KIF6: variants seen among roughly 807,000 people sequenced by gnomAD.
KIF6 encodes kinesin-like protein KIF6.
Under a neutral mutation model 112.7 loss-of-function variants are expected in KIF6, and 106 were observed. The observed-to-expected ratio is 0.94, with a 90% CI of 0.80 to 1.11. KIF6 has a LOEUF of 1.11. Among genes scored for constraint, KIF6 ranks in the 50% least tolerant of loss-of-function variants. KIF6 has a pLI of 0.00. For synonymous variants in KIF6, 339 were observed against 339.9 expected (o/e 1.00, Z 0.03); for missense variants, 929 against 964.0 (o/e 0.96, Z 0.48).
rs145735267 is a variant in KIF6, at chr6:39,391,208, A to G, written c.1811-5536T>C. Among the ~76,000 whole-genome samples the G allele has an allele frequency of 7.1e-3, 1,083 of 152,330 alleles. 13 individuals are homozygous for G. Among genetic ancestry groups the G allele is most frequent in the African/African-American group, 0.024 (1,004 of 41,564 alleles). ...AGACCAGAAGTAGGACGGAAATGCA[A>G]AAATGGTGAGTGGAGCTGAGGCCTT... On this transcript the variant is annotated intron_variant, in intron 15 of 22. Transcript: ENST00000287152.
In KIF6 at chr6:39,584,787, T is replaced by C; in HGVS notation, c.1077+111A>G. On this transcript the variant is annotated intron_variant, in intron 9 of 22. Transcript: ENST00000287152. Reference sequence around the variant, plus strand: ...ATTTAGAGGATTAAATGAGTTAATATGTTTCCACTACTTAGAACATTCCCA... The same window carrying C: ...ATTTAGAGGATTAAATGAGTTAATACGTTTCCACTACTTAGAACATTCCCA... 1.1e-5 allele frequency: 7 copies of C among 635,810 alleles called. No homozygotes were observed. The South Asian group carries it at 1.4e-4, about 13-fold the overall frequency. The allele number at this position is 635,810 out of a possible 1,614,324, so 39.4% of individuals were successfully genotyped here. A position where few individuals can be genotyped will look rare whatever the true frequency, so the allele number is the denominator to read the frequency against.
At chr6:39,652,024 G>A (rs1327011562) in intron 3 of KIF6, among the ~76,000 whole-genome samples, 1 of 152,108 alleles carries the variant, frequency 6.6e-6, no homozygotes, top group African/African-American at 2.4e-5. Context: ...GAGGGGCATG[G>A]CAGCAGAGAT....
intron 13 of KIF6, among the ~76,000 whole-genome samples, chr6:39,530,618 C>G (rs1582061667): frequency 1.3e-5 from 2 of 152,286 alleles, no homozygotes; most frequent in South Asian, 4.1e-4. Flanking sequence ...TCTAGGGAAC[C>G]ATGAATTCGG....
At chr6:39,423,583 C>T (rs114729547) in intron 14 of KIF6, among the ~76,000 whole-genome samples, 2,153 of 152,120 alleles carry the variant, frequency 0.014, 27 homozygotes, top group Non-Finnish European at 0.024. Context: ...AGGTATCCAA[C>T]AGCCTGTTTG....
intron 10 of KIF6, among the ~76,000 whole-genome samples, chr6:39,557,688 T>C (rs986213912): frequency 2.6e-5 from 4 of 151,762 alleles, no homozygotes; most frequent in African/African-American, 9.7e-5. Context: ...GACGGAGGGG[T>C]CCACAAATCC....
chr6:39,588,682 C>T (rs956272519), intron 7 of KIF6, among the ~76,000 whole-genome samples: 6 of 152,130 alleles, frequency 3.9e-5, no homozygotes, highest in Non-Finnish European at 7.4e-5. Flanking sequence ...TTTCCCAGAT[C>T]TCACCCATTA....
intron 13 of KIF6, among the ~76,000 whole-genome samples, chr6:39,457,923 G>C (rs1773241250): frequency 6.7e-6 from 1 of 150,372 alleles, no homozygotes; most frequent in South Asian, 2.1e-4. Flanking sequence ...TGGATTCACA[G>C]CCGAATTCTA....
chr6:39,562,207 T>A (rs1561812524), intron 10 of KIF6, among the ~76,000 whole-genome samples: 1 of 152,214 alleles, frequency 6.6e-6, no homozygotes, highest in Non-Finnish European at 1.5e-5. Flanking sequence ...AACTGTCTGA[T>A]ATTAAAACAA....
At chr6:39,664,614 G>A (rs199859137) in intron 3 of KIF6, among the ~76,000 whole-genome samples, 1 of 152,148 alleles carries the variant, frequency 6.6e-6, no homozygotes, top group Non-Finnish European at 1.5e-5. Flanking sequence ...TTGAAGTACA[G>A]GAGATCTGGA....
intron 3 of KIF6, among the ~76,000 whole-genome samples, chr6:39,673,754 A>G (rs1420087472): frequency 6.6e-6 from 1 of 152,246 alleles, no homozygotes; most frequent in East Asian, 1.9e-4. Context: ...GATTTTCCTG[A>G]TGAATGAATG....
intron 16 of KIF6, among the ~76,000 whole-genome samples, chr6:39,369,835 C>T (rs1385788157): frequency 6.6e-6 from 1 of 152,168 alleles, no homozygotes; most frequent in Admixed American, 6.5e-5. Context: ...TGGGAGCTCT[C>T]TCTCATCTCT....
intron 13 of KIF6, among the ~76,000 whole-genome samples, chr6:39,451,516 A>G (rs1036123052): frequency 3.3e-5 from 5 of 152,152 alleles, no homozygotes; most frequent in African/African-American, 9.7e-5. Flanking sequence ...ATAAAAATGC[A>G]CTCTACTAGG....
chr6:39,445,733 CTGAGAAGCAG>C (rs991949267), intron 13 of KIF6, among the ~76,000 whole-genome samples: 2 of 152,162 alleles, frequency 1.3e-5, no homozygotes, highest in African/African-American at 4.8e-5. Flanking sequence ...TTTAGAAGCA[CTGAGAAGCAG>C]GAGCTAGAGG....
At chr6:39,339,938 C>A (rs1387939850) in intron 22 of KIF6, among the ~76,000 whole-genome samples, 1 of 152,184 alleles carries the variant, frequency 6.6e-6, no homozygotes, top group Non-Finnish European at 1.5e-5. Flanking sequence ...CTGAAGTAAC[C>A]AAGGCAGCGC....
At chr6:39,432,087 A>G (rs1329732948) in intron 13 of KIF6, among the ~76,000 whole-genome samples, 3 of 152,030 alleles carry the variant, frequency 2.0e-5, no homozygotes, top group South Asian at 4.2e-4. Context: ...TCTTTTCACC[A>G]TGTTCCTTAT....
At chr6:39,488,780 G>A (rs1379253214) in intron 13 of KIF6, among the ~76,000 whole-genome samples, 1 of 152,176 alleles carries the variant, frequency 6.6e-6, no homozygotes, top group African/African-American at 2.4e-5. Context: ...GGGCTTGTTT[G>A]GCAAATATAA....
At chr6:39,538,215 T>C (rs1383969907) in intron 13 of KIF6, among the ~76,000 whole-genome samples, 1 of 151,348 alleles carries the variant, frequency 6.6e-6, no homozygotes, top group Non-Finnish European at 1.5e-5. Flanking sequence ...AATTGACAAA[T>C]GGGATCTAAT....
chr6:39,540,687 G>A (rs1017160680), intron 12 of KIF6, among the ~76,000 whole-genome samples: 4 of 152,256 alleles, frequency 2.6e-5, no homozygotes, highest in African/African-American at 9.6e-5. Flanking sequence ...TGGCAGATCA[G>A]CCGTCTTCAT....
chr6:39,638,763 T>C (rs1784757099), intron 4 of KIF6, among the ~76,000 whole-genome samples: 1 of 152,128 alleles, frequency 6.6e-6, no homozygotes, highest in African/African-American at 2.4e-5. Context: ...TTGCTGGAAC[T>C]AGTAGGGACA....
Sources: gnomAD v4.1 joint callset for allele counts (sites outside exome capture counted in the v4.1 genomes callset) on GRCh38, gnomAD v4.1.1 for gene constraint, MANE v1.5 for transcripts, NCBI Gene and HGNC (gene_info 2026-07-23, HGNC 2026-07-21) for gene names.